The following PTPRT variants were observed in gnomAD, a reference collection of about 807,000 sequenced individuals.
PTPRT encodes receptor-type tyrosine-protein phosphatase T.
PTPRT carries 56 observed loss-of-function variants against 176.8 expected under a neutral mutation model. That is an observed-to-expected ratio of 0.32 (90% confidence interval 0.26 to 0.40). PTPRT has a LOEUF of 0.40. Ranked by LOEUF, PTPRT falls within the 10% of genes least tolerant of loss-of-function variation. The pLI is 1.00. For synonymous variants in PTPRT, 783 were observed against 739.0 expected (o/e 1.06, Z -0.96); for missense variants, 1,540 against 1,908.2 (o/e 0.81, Z 3.60).
At chr20:42,527,321 A>G (rs2072295908) in intron 7 of PTPRT, among the ~76,000 whole-genome samples, 1 of 152,038 alleles carries the variant, frequency 6.6e-6, no homozygotes, top group Non-Finnish European at 1.5e-5. Context: ...GCCAAACTGT[A>G]CCCAGGAATT....
chr20:42,085,219 A>C (rs1983764595), intron 28 of PTPRT, among the ~76,000 whole-genome samples: 1 of 152,034 alleles, frequency 6.6e-6, no homozygotes, highest in Non-Finnish European at 1.5e-5. Context: ...GGGGTAGGGG[A>C]GGTGCTGAGC....
chr20:42,788,045 C>T (rs911901289), intron 3 of PTPRT, among the ~76,000 whole-genome samples: 5 of 152,010 alleles, frequency 3.3e-5, no homozygotes, highest in East Asian at 3.9e-4. Flanking sequence ...GAAAAGACAC[C>T]GAAGTAAAGA....
chr20:42,072,095 C>A (rs1399812685), downstream of PTPRT, among the ~76,000 whole-genome samples: 1 of 152,184 alleles, frequency 6.6e-6, no homozygotes, highest in Non-Finnish European at 1.5e-5. Context: ...AAAGGCCTAG[C>A]AAAATATATA....
chr20:42,968,091 T>G (rs1287374793), intron 1 of PTPRT, among the ~76,000 whole-genome samples: 2 of 152,162 alleles, frequency 1.3e-5, no homozygotes, highest in Non-Finnish European at 2.9e-5. Context: ...CACAGGCTAT[T>G]CCTTTTGCTG....
intron 7 of PTPRT, among the ~76,000 whole-genome samples, chr20:42,586,526 G>A (rs1434750001): frequency 6.6e-6 from 1 of 152,114 alleles, no homozygotes; most frequent in East Asian, 1.9e-4. Context: ...ACCAGAGCCT[G>A]CATTTTCCAC....
At chr20:42,228,749 A>T (rs2033724829) in intron 15 of PTPRT, among the ~76,000 whole-genome samples, 1 of 152,226 alleles carries the variant, frequency 6.6e-6, no homozygotes, top group East Asian at 1.9e-4. Context: ...TTGTTCATTC[A>T]TCTAATCAAC....
At chr20:42,252,229 G>A (rs1356707079) in intron 13 of PTPRT, among the ~76,000 whole-genome samples, 1 of 152,228 alleles carries the variant, frequency 6.6e-6, no homozygotes, top group African/African-American at 2.4e-5. Flanking sequence ...ATAGCTTTAG[G>A]GGGAAAATAT....
intron 2 of PTPRT, among the ~76,000 whole-genome samples, chr20:42,845,568 T>C (rs1020176574): frequency 2.6e-5 from 4 of 152,046 alleles, no homozygotes; most frequent in African/African-American, 9.7e-5. Context: ...GGACTCTCCT[T>C]GTTGAGAGGG....
chr20:42,461,685 C>T (rs912562164), intron 8 of PTPRT, among the ~76,000 whole-genome samples: 1 of 152,186 alleles, frequency 6.6e-6, no homozygotes, highest in Non-Finnish European at 1.5e-5. Context: ...GAGGATCTGA[C>T]TTTCTGAGTA....
chr20:43,091,737 C>T (rs192218721), intron 1 of PTPRT, among the ~76,000 whole-genome samples: 5 of 151,942 alleles, frequency 3.3e-5, no homozygotes, highest in East Asian at 1.9e-4. Context: ...ATTCCAGGAC[C>T]GCAAGAAGAG....
intron 2 of PTPRT, among the ~76,000 whole-genome samples, chr20:42,808,106 C>T (rs1038809085): frequency 1.3e-5 from 2 of 152,172 alleles, no homozygotes; most frequent in African/African-American, 2.4e-5. Context: ...CAGTCCTGCC[C>T]GTTGCAGACT....
At chr20:43,105,181 T>A (rs1459708592) in intron 1 of PTPRT, among the ~76,000 whole-genome samples, 1 of 152,112 alleles carries the variant, frequency 6.6e-6, no homozygotes, top group Non-Finnish European at 1.5e-5. Flanking sequence ...AACGCAAATT[T>A]TCAGGCCCTA....
chr20:42,829,946 T>G (rs1397166047), intron 2 of PTPRT, among the ~76,000 whole-genome samples: 1 of 152,062 alleles, frequency 6.6e-6, no homozygotes, highest in African/African-American at 2.4e-5. Context: ...GAAATTGAAT[T>G]GGTAATAAAT....
intron 4 of PTPRT, among the ~76,000 whole-genome samples, chr20:42,778,870 G>A (rs968710725): frequency 1.3e-5 from 2 of 152,308 alleles, no homozygotes; most frequent in Middle Eastern, 3.4e-3. Context: ...ATGACTGAAT[G>A]ACAGACCCAT....
intron 25 of PTPRT, among the ~76,000 whole-genome samples, chr20:42,103,810 T>C (rs1487662149): frequency 1.3e-5 from 2 of 152,202 alleles, no homozygotes; most frequent in Non-Finnish European, 2.9e-5. Flanking sequence ...CAACTTGGAC[T>C]AGAACTGAAT....
intron 9 of PTPRT, among the ~76,000 whole-genome samples, chr20:42,429,245 G>T (rs1018672918): frequency 6.6e-6 from 1 of 152,128 alleles, no homozygotes; most frequent in Non-Finnish European, 1.5e-5. Context: ...AGATAATGGG[G>T]TCTCCATGGG....
intron 7 of PTPRT, among the ~76,000 whole-genome samples, chr20:42,605,718 G>T (rs1334386484): frequency 2.0e-5 from 3 of 152,214 alleles, no homozygotes; most frequent in Non-Finnish European, 4.4e-5. Context: ...GGATGCTGCT[G>T]TGGGGAGGAA....
chr20:43,064,203 T>C (rs1987589138), intron 1 of PTPRT, among the ~76,000 whole-genome samples: 1 of 152,166 alleles, frequency 6.6e-6, no homozygotes, highest in Non-Finnish European at 1.5e-5. Flanking sequence ...TATATGATAA[T>C]GGCAATTCTT....
At chr20:42,688,188 C>A (rs1391977944) in intron 6 of PTPRT, 1 of 152,254 alleles carries the variant, frequency 6.6e-6, no homozygotes, top group East Asian at 1.9e-4. Context: ...TGCTCTCTTT[C>A]TGCTTCAAGG....
Sources: gnomAD v4.1 joint callset for allele counts (sites outside exome capture counted in the v4.1 genomes callset) on GRCh38, gnomAD v4.1.1 for gene constraint, MANE v1.5 for transcripts, NCBI Gene and HGNC (gene_info 2026-07-23, HGNC 2026-07-21) for gene names.